WFDC1: variants seen among roughly 807,000 people sequenced by gnomAD.
WFDC1 encodes WAP four-disulfide core domain 1, also known as WAP four-disulfide core domain protein 1.
WFDC1 carries 39 observed loss-of-function variants against 32.9 expected under a neutral mutation model. The observed-to-expected ratio is 1.19, with a 90% CI of 0.92 to 1.55. The LOEUF (loss-of-function observed/expected upper bound fraction) is 1.55, where lower values mean the gene tolerates loss of function less well. WFDC1 is among the 40% of genes most tolerant of loss of function. The probability of loss-of-function intolerance (pLI) is 0.00; values close to 1 mark genes in which losing one functional copy is unlikely to be tolerated. For synonymous variants in WFDC1, 184 were observed against 137.4 expected (o/e 1.34, Z -2.37); for missense variants, 386 against 309.5 (o/e 1.25, Z -1.85).
chr16:84,319,137 G>T (rs1479749465), intron 3 of WFDC1: 3 of 452,656 alleles, frequency 6.6e-6, no homozygotes, highest in South Asian at 3.4e-5. Flanking sequence ...GTGTTTCAGG[G>T]TGTATCCGTG....
chr16:84,298,780 A>C (rs1906759434), intron 1 of WFDC1, among the ~76,000 whole-genome samples: 1 of 152,164 alleles, frequency 6.6e-6, no homozygotes. Context: ...TCTTGGTCTA[A>C]GCATGCAGAG....
rs118111880 is a variant in WFDC1, at chr16:84,325,104, C to T, written c.604+644C>T. Among the ~76,000 whole-genome samples, 1,091 of 152,104 alleles carry T rather than the reference C, an allele frequency of 7.2e-3. 9 individuals are homozygous for T. The highest frequency in any genetic ancestry group is 0.01 in the Middle Eastern group (3 of 294). The stretch of plus-strand genomic sequence containing the variant: ...TTATTCCTTCATCCCTCCATCCATC[C>T]ATCCTTTCATTTACTTACCTATTCA... On this transcript the variant is annotated intron_variant, in intron 5 of 6. Coordinates refer to ENST00000219454, the MANE Select transcript of WFDC1 (RefSeq NM_021197.4).
chr16:84,299,072 C>T (rs781531988), intron 1 of WFDC1, among the ~76,000 whole-genome samples: 2 of 152,180 alleles, frequency 1.3e-5, no homozygotes, highest in Admixed American at 6.5e-5. Flanking sequence ...CATTCCAGGC[C>T]GGGCACAGTG....
At chr16:84,318,950 A>AATAC (rs1908130678) in intron 3 of WFDC1, 1 of 192,136 alleles carries the variant, frequency 5.2e-6, no homozygotes, top group Non-Finnish European at 1.1e-5. Context: ...GTGCATGCAA[A>AATAC]AGTGTGTGAC....
chr16:84,307,986 C>A (rs753138287), intron 1 of WFDC1, among the ~76,000 whole-genome samples: 78 of 152,172 alleles, frequency 5.1e-4, no homozygotes, highest in Non-Finnish European at 9.3e-4. Context: ...TTGGGGAAAA[C>A]CATTCACCTC....
intron 1 of WFDC1, among the ~76,000 whole-genome samples, chr16:84,297,423 G>C (rs1416514945): frequency 1.3e-5 from 2 of 152,064 alleles, no homozygotes; most frequent in African/African-American, 4.8e-5. Context: ...TTCAAGACCA[G>C]CCTGACCAAC....
intron 4 of WFDC1, among the ~76,000 whole-genome samples, chr16:84,320,467 G>A (rs1908241307): frequency 6.6e-6 from 1 of 152,154 alleles, no homozygotes; most frequent in Non-Finnish European, 1.5e-5. Flanking sequence ...GTTCGTCTTT[G>A]GACACAAAGG....
chr16:84,320,349 A>C (rs1343841577), intron 4 of WFDC1, among the ~76,000 whole-genome samples: 1 of 152,198 alleles, frequency 6.6e-6, no homozygotes, highest in Non-Finnish European at 1.5e-5. Context: ...CTCCATTGTA[A>C]GTCAAGAAGC....
chr16:84,318,865 C>G (rs564637016), intron 3 of WFDC1: 2 of 200,972 alleles, frequency 1.0e-5, no homozygotes, highest in Non-Finnish European at 2.1e-5. Context: ...AGTGTGCGGC[C>G]GTATATGCAA....
chr16:84,301,460 C>G (rs1018397239), intron 1 of WFDC1, among the ~76,000 whole-genome samples: 1 of 152,154 alleles, frequency 6.6e-6, no homozygotes, highest in African/African-American at 2.4e-5. Context: ...AGTCTGGGAG[C>G]TTTGTCTGCT....
At chr16:84,322,616 G>C (rs1908374248) in intron 4 of WFDC1, among the ~76,000 whole-genome samples, 1 of 152,232 alleles carries the variant, frequency 6.6e-6, no homozygotes, top group Non-Finnish European at 1.5e-5. Context: ...GACAGGCCCT[G>C]TGCCGACACC....
intron 4 of WFDC1, among the ~76,000 whole-genome samples, chr16:84,322,045 T>G (rs1285229951): frequency 6.6e-6 from 1 of 152,044 alleles, no homozygotes; most frequent in East Asian, 1.9e-4. Flanking sequence ...GCCACCATCA[T>G]CCCTGTCTTC....
chr16:84,326,378 C>T (rs62050733), intron 5 of WFDC1: 4,097 of 159,742 alleles, frequency 0.026, 192 homozygotes, highest in African/African-American at 0.092. Context: ...CAGACCCAGT[C>T]GCTGCTGTCA....
rs112744734 is a variant in WFDC1 at position 84,297,645 on chromosome 16, A to C, written c.144+2530A>C. Among the ~76,000 whole-genome samples the C allele has an allele frequency of 7.8e-4, 106 of 136,160 alleles. 2 individuals are homozygous for C. Among genetic ancestry groups the C allele is most frequent in the African/African-American group, 8.8e-4 (32 of 36,250 alleles). 89.3% of individuals were successfully genotyped at this position (136,160 alleles called of 152,430 possible). ...AAAAAAAAAAAAAAAAAAAAAAAAA[A>C]AACTGTGCCTCAGAGAAAGCCCTGG... On this transcript the variant is annotated intron_variant, in intron 1 of 6. Coordinates refer to ENST00000219454, the MANE Select transcript of WFDC1 (RefSeq NM_021197.4).
In WFDC1 at chr16:84,324,461, G is replaced by A; in HGVS notation, c.604+1G>A. 1 of 1,613,116 alleles carries A rather than the reference G, an allele frequency of 6.2e-7. No individual in the cohort carries two copies. Among genetic ancestry groups the A allele is most frequent in the Non-Finnish European group, 8.5e-7 (1 of 1,179,688 alleles). On this transcript the variant is annotated splice_donor_variant, in intron 5 of 6. Coordinates refer to ENST00000219454, the MANE Select transcript of WFDC1 (RefSeq NM_021197.4). LOFTEE classifies it high-confidence loss of function. Reference sequence around the variant, plus strand: ...CACAAACTTTACAAAGAATATCCAGGTAAAAGAAGAAACTGTTCTTTCTTT... The same window carrying A: ...CACAAACTTTACAAAGAATATCCAGATAAAAGAAGAAACTGTTCTTTCTTT...
chr16:84,319,279 C>T, intron 3 of WFDC1, 152 bp from the exon 4 acceptor site: 2 of 1,045,062 alleles, frequency 1.9e-6, no homozygotes, highest in South Asian at 3.4e-5. Context: ...GACCCAGGGC[C>T]TAGCCTGGAA....
intron 1 of WFDC1, among the ~76,000 whole-genome samples, chr16:84,301,585 C>G (rs1906938934): frequency 6.6e-6 from 1 of 152,102 alleles, no homozygotes; most frequent in African/African-American, 2.4e-5. Flanking sequence ...CAGCAGCACC[C>G]AGGAGGGGGT....
At position 84,304,499 on chromosome 16, in the gene WFDC1, A is replaced by AT. The variant is rs1289164705; in HGVS notation, c.145-8460dup. Among the ~76,000 whole-genome samples, 4 of 151,982 alleles carry AT rather than the reference A, an allele frequency of 2.6e-5. No individual in the cohort carries two copies. The East Asian group carries it at 7.7e-4, about 29-fold the overall frequency. On this transcript the variant is annotated intron_variant, in intron 1 of 6. Transcript: ENST00000219454. ...TGCCTTGGCCTCCCAAAGTGCTGGG[A>AT]TTATAGGTGTGAGCCACCGCGCCCG... is the stretch of plus-strand genomic sequence containing the variant.
chr16:84,300,645 G>A (rs1439407510), intron 1 of WFDC1, among the ~76,000 whole-genome samples: 1 of 152,208 alleles, frequency 6.6e-6, no homozygotes, highest in African/African-American at 2.4e-5. Context: ...GAGGTGGGTG[G>A]TTCCTTAATA....
Sources: allele counts gnomAD v4.1 joint callset (sites outside exome capture counted in the v4.1 genomes callset), GRCh38; gene constraint gnomAD v4.1.1; transcripts MANE v1.5; gene names NCBI Gene and HGNC (gene_info 2026-07-23, HGNC 2026-07-21).